Variants in AARS2 observed in about 807,000 individuals in gnomAD.
AARS2 encodes alanine--tRNA ligase, mitochondrial.
Under a neutral mutation model 119.7 loss-of-function variants are expected in AARS2, and 78 were observed. The ratio of observed to expected loss-of-function variants is 0.65; its 90% CI spans 0.54 to 0.79. AARS2 has a LOEUF of 0.79. AARS2 is among the 30% of genes least tolerant of loss of function. AARS2 has a pLI of 0.00. For missense variants in AARS2, 1,157 were observed against 1,291.3 expected, an observed-to-expected ratio of 0.90 and a Z score of 1.59; for synonymous variants, 502 against 526.3, an observed-to-expected ratio of 0.95 and a Z score of 0.63.
rs747460319 is a variant in AARS2, at chr6:44,311,444, G to C, written c.527C>G (p.Pro176Arg). Residue 176 changes from proline (P) to arginine (R), a missense_variant, in exon 3 of 22, where the codon CCC becomes CGC. By Grantham distance (103) the Pro-to-Arg change is moderately radical (BLOSUM62 -2). Coordinates refer to ENST00000244571, the MANE Select transcript of AARS2 (RefSeq NM_020745.4). ...CAGGTCTGGGTCCAGCCCTGCCTTG[G>C]GGTCACCATCAAAGTAGGAGATCCA... ...RLWISYFDGD[P>R]KAGLDPDLET... 1 of 1,614,092 alleles carries C rather than the reference G, an allele frequency of 6.2e-7. No homozygotes were observed.
Position 44,304,246 on chromosome 6 carries a change from G to A in AARS2, c.1942C>T (p.Pro648Ser), listed in dbSNP as rs760666598. The A allele has an allele frequency of 6.2e-7, 1 of 1,614,174 alleles. No individual in the cohort carries two copies. The highest frequency in any genetic ancestry group is 1.7e-5 in the Admixed American group (1 of 60,034). ...LNWALRQTLG[P>S]GTEQQGSHLN... ...TGGGAGCCCTGCTGCTCTGTGCCAGGGCCCAGGGTCTGCCTCAGTGCCCAG... is the reference window on the plus strand; with the variant it reads ...TGGGAGCCCTGCTGCTCTGTGCCAGAGCCCAGGGTCTGCCTCAGTGCCCAG... Residue 648 changes from proline to serine, a missense_variant, in exon 14 of 22, where the codon CCT becomes TCT. Coordinates refer to ENST00000244571, the MANE Select transcript of AARS2 (RefSeq NM_020745.4).
intron 5 of AARS2, among the ~76,000 whole-genome samples, chr6:44,310,026 C>G (rs1038261258): frequency 1.3e-5 from 2 of 152,192 alleles, no homozygotes; most frequent in African/African-American, 2.4e-5. Flanking sequence ...TTCCTGCTTA[C>G]TGCTGTGTCT....
intron 13 of AARS2, 34 bp downstream of exon 13, chr6:44,304,386 C>T: frequency 6.2e-7 from 1 of 1,614,108 alleles, no homozygotes; most frequent in Non-Finnish European, 8.5e-7. Flanking sequence ...GAAGGGGCTG[C>T]AGGGTATTGG....
chr6:44,312,672 A>G (rs1031678523), intron 1 of AARS2, among the ~76,000 whole-genome samples: 2 of 152,204 alleles, frequency 1.3e-5, no homozygotes, highest in Non-Finnish European at 2.9e-5. Context: ...TGCCGCCCCT[A>G]TTTTACAGAT....
rs1785752095 is a variant in AARS2 at position 44,305,362 on chromosome 6, T to C, written c.1435-164A>G. Among the ~76,000 whole-genome samples the C allele has an allele frequency of 2.0e-5, 3 of 152,164 alleles. No individual in the cohort carries two copies. Among genetic ancestry groups the C allele is most frequent in the Admixed American group, 6.5e-5 (1 of 15,284 alleles). On this transcript the variant is annotated intron_variant, in intron 10 of 21. Coordinates refer to ENST00000244571, the MANE Select transcript of AARS2 (RefSeq NM_020745.4). This position sits in a 1 kb window ranked among gnomAD's most constrained non-coding sequence, Gnocchi z 4.6. ...CTGGCTGCTAGAGCCCCTGAGCTGGTTGAACCATCCATCATGTCGGCTCCT... is the reference window on the plus strand; with the variant it reads ...CTGGCTGCTAGAGCCCCTGAGCTGGCTGAACCATCCATCATGTCGGCTCCT...
At position 44,304,834 on chromosome 6, in the gene AARS2, T is replaced by C; in HGVS notation, c.1580-17A>G. Reference sequence around the variant, plus strand: ...TGCCGAACTCTGCCAGGGCACAGAATGGTTATTAGTGGTGGGCAGGGGCTG... The same window carrying C: ...TGCCGAACTCTGCCAGGGCACAGAACGGTTATTAGTGGTGGGCAGGGGCTG... On this transcript the variant is annotated splice_polypyrimidine_tract_variant and intron_variant, in intron 11 of 21. Coordinates refer to ENST00000244571, the MANE Select transcript of AARS2 (RefSeq NM_020745.4). 1.9e-6 allele frequency: 3 copies of C among 1,613,820 alleles called. No individual in the cohort carries two copies. Among genetic ancestry groups the C allele is most frequent in the Non-Finnish European group, 2.5e-6 (3 of 1,179,864 alleles).
rs1029068898 is a variant in AARS2, at chr6:44,299,355, T to G, written c.*1192A>C. The stretch of plus-strand genomic sequence containing the variant: ...CTTGAATTCCTGGGCAAAGTGATTT[T>G]CCCACCTCAGCCTCCCAAGTAGCTG... On this transcript the variant is annotated 3_prime_UTR_variant, in exon 22 of 22. Transcript: ENST00000244571. Among the ~76,000 whole-genome samples the G allele has an allele frequency of 6.6e-6, 1 of 151,988 alleles. No homozygotes were observed. Among genetic ancestry groups the G allele is most frequent in the African/African-American group, 2.4e-5 (1 of 41,382 alleles).
chr6:44,302,565 G>T (rs546252425), intron 17 of AARS2, 52 bp from the exon 18 acceptor site: 10 of 1,612,106 alleles, frequency 6.2e-6, no homozygotes, highest in Non-Finnish European at 8.5e-6. Flanking sequence ...CCCAGGACAA[G>T]GCCTCTCAAC....
intron 21 of AARS2, 129 bp from the exon 22 acceptor site, chr6:44,300,840 G>T: frequency 8.3e-7 from 1 of 1,205,714 alleles, no homozygotes; most frequent in Non-Finnish European, 1.2e-6. Context: ...TGGTGGGGCA[G>T]TCAGGTGATG....
Position 44,299,077 on chromosome 6 carries a change from C to T in AARS2, c.*1470G>A, listed in dbSNP as rs1438963127. ...CTCAGTGGCACTGGCCACCTCACGGCCTCTGCATTGGCTGTTCCCTCAGGC... is the reference window on the plus strand; with the variant it reads ...CTCAGTGGCACTGGCCACCTCACGGTCTCTGCATTGGCTGTTCCCTCAGGC... On this transcript the variant is annotated 3_prime_UTR_variant, in exon 22 of 22. Transcript: ENST00000244571. Among the ~76,000 whole-genome samples, 1 of 152,314 alleles carries T rather than the reference C, an allele frequency of 6.6e-6. No homozygotes were observed. Among genetic ancestry groups the T allele is most frequent in the East Asian group, 1.9e-4 (1 of 5,170 alleles).
intron 21 of AARS2, chr6:44,300,945 G>C (rs1785302900): frequency 1.4e-6 from 1 of 718,182 alleles, no homozygotes; most frequent in East Asian, 2.7e-5. Flanking sequence ...CCTGGGAGGG[G>C]TTAGGAATTA....
In AARS2 at chr6:44,304,644, C is replaced by T. The variant is rs1583053479; in HGVS notation, c.1752+1G>A. The T allele has an allele frequency of 2.5e-6, 4 of 1,614,202 alleles. No homozygotes were observed. Among genetic ancestry groups the T allele is most frequent in the Non-Finnish European group, 3.4e-6 (4 of 1,180,036 alleles). On this transcript the variant is annotated splice_donor_variant, in intron 12 of 21. Transcript: ENST00000244571. LOFTEE classifies it high-confidence loss of function. Reference sequence around the variant, plus strand: ...CAGCCTGGGTTGTGATGGAGACTCACCTCTTGCCCTGCCCGCACCAGGTAG... The same window carrying T: ...CAGCCTGGGTTGTGATGGAGACTCATCTCTTGCCCTGCCCGCACCAGGTAG...
At position 44,313,335 on chromosome 6, in the gene AARS2, G is replaced by T; in HGVS notation, c.-12C>A. ...ACTGACGCTGCCATCGTAGCTCCGG[G>T]CAGTGACTTTACGTGGTCAAAGAGT... On this transcript the variant is annotated 5_prime_UTR_variant, in exon 1 of 22. Coordinates refer to ENST00000244571, the MANE Select transcript of AARS2 (RefSeq NM_020745.4). 6 of 1,598,670 alleles carry T rather than the reference G, an allele frequency of 3.8e-6. No individual in the cohort carries two copies. Among genetic ancestry groups the T allele is most frequent in the Non-Finnish European group, 5.1e-6 (6 of 1,178,802 alleles).
At chr6:44,306,575 A>G in intron 7 of AARS2, 43 bp from the exon 8 acceptor site, 3 of 1,612,536 alleles carry the variant, frequency 1.9e-6, no homozygotes, top group Non-Finnish European at 2.5e-6. Context: ...AAAGGCAACC[A>G]ACCCACCCCC....
rs751502762 is a variant in AARS2, at chr6:44,306,298, G to A, written c.1282C>T (p.Pro428Ser). The A allele has an allele frequency of 1.5e-5, 25 of 1,614,086 alleles. No individual in the cohort carries two copies. The highest frequency in any genetic ancestry group is 2.0e-5 in the Non-Finnish European group (24 of 1,179,982). ...TGCTTACCAGGGAACATATCTGAAG[G>A]CCCCAGGGTCCTCAGAGTCCGATCA... The part of the protein sequence containing the change: ...IIDRTLRTLG[P>S]SDMFPAEVAW... Residue 428 changes from proline (P) to serine (S), a missense_variant, in exon 9 of 22, where the codon CCT (proline) becomes TCT (serine). Coordinates refer to ENST00000244571, the MANE Select transcript of AARS2 (RefSeq NM_020745.4).
At position 44,299,144 on chromosome 6, in the gene AARS2, C is replaced by A. The variant is rs866686923; in HGVS notation, c.*1403G>T. On this transcript the variant is annotated 3_prime_UTR_variant, in exon 22 of 22. Coordinates refer to ENST00000244571, the MANE Select transcript of AARS2 (RefSeq NM_020745.4). Reference sequence around the variant, plus strand: ...GATTTCCACACGGGTCACACCCTCACCTCCCAGCTCCCTGCTCACATGTCA... The same window carrying A: ...GATTTCCACACGGGTCACACCCTCAACTCCCAGCTCCCTGCTCACATGTCA... Among the ~76,000 whole-genome samples the A allele has an allele frequency of 2.6e-5, 4 of 152,178 alleles. No individual in the cohort carries two copies. The highest frequency in any genetic ancestry group is 2.1e-4 in the South Asian group (1 of 4,828).
chr6:44,301,307 G>T (rs375044595), intron 20 of AARS2, 41 bp from the exon 21 acceptor site: 5 of 1,613,212 alleles, frequency 3.1e-6, no homozygotes, highest in Non-Finnish European at 4.2e-6. Flanking sequence ...TCGCTTCCCA[G>T]ACCCCTAGCT....
At chr6:44,312,009 G>A (rs1786401354) in intron 2 of AARS2, 63 bp downstream of exon 2, 1 of 1,585,630 alleles carries the variant, frequency 6.3e-7, no homozygotes. Flanking sequence ...TAAGCAGACA[G>A]TACAATGGAA....
rs552950383 is a variant in AARS2 at position 44,304,918 on chromosome 6, C to G, written c.1580-101G>C. ...ACAAGCACCCCCGCTGGCAGGGGCA[C>G]TTCCAGCTGGGGGCCACAGAGACCC... On this transcript the variant is annotated intron_variant, in intron 11 of 21. Transcript: ENST00000244571. The G allele has an allele frequency of 1.3e-4, 205 of 1,606,878 alleles. 1 individual carries two copies. In the South Asian group the frequency reaches 2.1e-3, roughly 16 times the overall value.
Sources: allele counts gnomAD v4.1 joint callset (sites outside exome capture counted in the v4.1 genomes callset), GRCh38; gene constraint gnomAD v4.1.1; non-coding constraint Gnocchi (gnomAD v3.1); transcripts MANE v1.5; gene names NCBI Gene and HGNC (gene_info 2026-07-23, HGNC 2026-07-21).